The following SORCS3 variants were observed in gnomAD, a reference collection of about 807,000 sequenced individuals.
The protein encoded by SORCS3 is VPS10 domain-containing receptor SorCS3.
A neutral mutation model predicts 146.3 loss-of-function variants in SORCS3; 57 were observed. That is an observed-to-expected ratio of 0.39 (90% CI 0.31 to 0.49). The LOEUF (loss-of-function observed/expected upper bound fraction) is 0.49, where lower values mean the gene tolerates loss of function less well. Among genes scored for constraint, SORCS3 ranks in the 20% least tolerant of loss-of-function variants. The pLI, the probability that SORCS3 is intolerant of heterozygous loss-of-function variation, is 0.92. For synonymous variants in SORCS3, 653 were observed against 618.5 expected (o/e 1.06, Z -0.83); for missense variants, 1,341 against 1,575.5 (o/e 0.85, Z 2.52).
At chr10:105,010,784 G>A (rs1448388707) in intron 4 of SORCS3, among the ~76,000 whole-genome samples, 1 of 151,868 alleles carries the variant, frequency 6.6e-6, no homozygotes, top group Non-Finnish European at 1.5e-5. Flanking sequence ...AGAGTATGGA[G>A]GGGCAGGCTA....
chr10:104,995,654 T>C (rs2055022707), intron 4 of SORCS3, among the ~76,000 whole-genome samples: 1 of 152,202 alleles, frequency 6.6e-6, no homozygotes, highest in Admixed American at 6.6e-5. Context: ...ATATTCTGGA[T>C]AAAAGTCCTT....
At chr10:105,255,186 CAAAAAAAAA>C (rs35150065) in intron 23 of SORCS3, among the ~76,000 whole-genome samples, 3 of 32,656 alleles carry the variant, frequency 9.2e-5, no homozygotes, top group African/African-American at 2.5e-4. Flanking sequence ...GACTCAGTCT[CAAAAAAAAA>C]AAAAAAAAAA....
chr10:105,196,763 A>C (rs1428557554), intron 14 of SORCS3, among the ~76,000 whole-genome samples: 1 of 152,124 alleles, frequency 6.6e-6, no homozygotes, highest in Non-Finnish European at 1.5e-5. Flanking sequence ...GAGTTCTTAC[A>C]CTGCAGTTTG....
intron 5 of SORCS3, among the ~76,000 whole-genome samples, chr10:105,056,704 T>C (rs57307057): frequency 0.059 from 8,975 of 152,298 alleles, 288 homozygotes; most frequent in Middle Eastern, 0.088. Context: ...TTCCATTCTC[T>C]GGTGAAAAAT....
chr10:104,678,760 A>C (rs2015939999), intron 1 of SORCS3, among the ~76,000 whole-genome samples: 1 of 152,220 alleles, frequency 6.6e-6, no homozygotes, highest in African/African-American at 2.4e-5. Context: ...GTATCCCTCA[A>C]AGTTGATACT....
chr10:105,025,378 G>A (rs531765111), intron 4 of SORCS3, among the ~76,000 whole-genome samples: 1 of 152,196 alleles, frequency 6.6e-6, no homozygotes, highest in East Asian at 1.9e-4. Context: ...CATGTCTATG[G>A]CACTACATTT....
chr10:105,158,766 G>A (rs1222408986), intron 10 of SORCS3, 126 bp from the exon 11 acceptor site: 3 of 700,160 alleles, frequency 4.3e-6, no homozygotes, highest in East Asian at 2.8e-5. Context: ...GCCCAAAACT[G>A]TGTGACTCAC....
chr10:104,728,023 CTAT>C, intron 1 of SORCS3, among the ~76,000 whole-genome samples: 1 of 25,570 alleles, frequency 3.9e-5, no homozygotes, highest in East Asian at 7.7e-4. Context: ...TATAACAGTT[CTAT>C]CTATCTATCT....
intron 1 of SORCS3, among the ~76,000 whole-genome samples, chr10:104,675,018 A>T (rs1340414844): frequency 1.3e-5 from 2 of 152,230 alleles, no homozygotes; most frequent in African/African-American, 4.8e-5. Context: ...GTCATAAAGT[A>T]GATTTTAGTA....
intron 2 of SORCS3, among the ~76,000 whole-genome samples, chr10:104,892,631 G>A (rs2018759837): frequency 6.6e-6 from 1 of 152,136 alleles, no homozygotes; most frequent in Non-Finnish European, 1.5e-5. Flanking sequence ...GCTGAGACAT[G>A]AGAATCACTT....
chr10:104,713,889 G>A (rs916751767), intron 1 of SORCS3, among the ~76,000 whole-genome samples: 2 of 152,080 alleles, frequency 1.3e-5, no homozygotes, highest in African/African-American at 4.8e-5. Flanking sequence ...CAGGCCTGGT[G>A]ATTTCTTTTT....
chr10:105,141,923 T>G (rs1395487015), intron 8 of SORCS3, among the ~76,000 whole-genome samples: 1 of 152,076 alleles, frequency 6.6e-6, no homozygotes. Flanking sequence ...TTTGACAGAG[T>G]TGTGAGGATT....
intron 7 of SORCS3, among the ~76,000 whole-genome samples, chr10:105,109,091 A>G (rs2055842137): frequency 6.6e-6 from 1 of 152,196 alleles, no homozygotes; most frequent in Non-Finnish European, 1.5e-5. Context: ...AGAAATTTAT[A>G]TAACATACTG....
At chr10:105,260,910 C>T (rs1424937777) in intron 25 of SORCS3, among the ~76,000 whole-genome samples, 1 of 152,102 alleles carries the variant, frequency 6.6e-6, no homozygotes, top group Admixed American at 6.6e-5. Context: ...TAAGAGGGGT[C>T]TCTTCTAGAA....
chr10:105,003,095 C>T (rs1022591448), intron 4 of SORCS3, among the ~76,000 whole-genome samples: 3 of 152,140 alleles, frequency 2.0e-5, no homozygotes, highest in Non-Finnish European at 4.4e-5. Context: ...GGAATCAGGG[C>T]TTTCCATCTT....
intron 2 of SORCS3, among the ~76,000 whole-genome samples, chr10:104,883,157 A>G (rs1461735495): frequency 1.3e-5 from 2 of 152,216 alleles, no homozygotes; most frequent in Admixed American, 6.5e-5. Context: ...TGGTAAGCCA[A>G]GGAGTTTCCA....
At chr10:105,242,955 T>A (rs1271185077) in intron 20 of SORCS3, among the ~76,000 whole-genome samples, 1 of 122,110 alleles carries the variant, frequency 8.2e-6, no homozygotes, top group Non-Finnish European at 1.6e-5. Flanking sequence ...ATATGATATA[T>A]ATTATATATT....
At chr10:105,248,075 A>C (rs966697725) in intron 22 of SORCS3, among the ~76,000 whole-genome samples, 3 of 152,256 alleles carry the variant, frequency 2.0e-5, no homozygotes, top group Admixed American at 1.3e-4. Context: ...CAGCAGGGTA[A>C]TAGAATTACA....
At chr10:104,986,308 C>T (rs1263209308) in intron 4 of SORCS3, among the ~76,000 whole-genome samples, 2 of 152,210 alleles carry the variant, frequency 1.3e-5, no homozygotes, top group Non-Finnish European at 2.9e-5. Context: ...GCTTCTTCAC[C>T]TCTCTCAGCC....
Sources: allele counts gnomAD v4.1 joint callset (sites outside exome capture counted in the v4.1 genomes callset), GRCh38; gene constraint gnomAD v4.1.1; transcripts MANE v1.5; gene names NCBI Gene and HGNC (gene_info 2026-07-23, HGNC 2026-07-21).